The following MACROD2 variants were observed in gnomAD, a reference collection of about 807,000 sequenced individuals.
MACROD2 encodes ADP-ribose glycohydrolase MACROD2.
A neutral mutation model predicts 70.4 loss-of-function variants in MACROD2; 36 were observed. That is an observed-to-expected ratio of 0.51 (90% CI 0.39 to 0.68). The LOEUF is 0.68. Among genes scored for constraint, MACROD2 ranks in the 30% least tolerant of loss-of-function variants. The pLI is 0.00. For synonymous variants in MACROD2, 172 were observed against 178.8 expected (o/e 0.96, Z 0.30); for missense variants, 496 against 538.4 (o/e 0.92, Z 0.78).
chr20:14,507,560 A>G (rs1174423666), intron 4 of MACROD2, among the ~76,000 whole-genome samples: 1 of 152,222 alleles, frequency 6.6e-6, no homozygotes, highest in Non-Finnish European at 1.5e-5. Context: ...ATTTACCACA[A>G]TAAAAAATGT....
intron 6 of MACROD2, among the ~76,000 whole-genome samples, chr20:15,430,268 T>TA (rs1600400334): frequency 6.7e-6 from 1 of 148,210 alleles, no homozygotes; most frequent in Non-Finnish European, 1.5e-5. Context: ...TAGAGGTTTT[T>TA]AAAAAAATAA....
At chr20:14,923,924 T>C (rs2074196209) in intron 5 of MACROD2, among the ~76,000 whole-genome samples, 1 of 152,170 alleles carries the variant, frequency 6.6e-6, no homozygotes, top group South Asian at 2.1e-4. Context: ...AAAAAGATGA[T>C]GACTGGTGGT....
chr20:15,176,671 C>T (rs1409978056), intron 5 of MACROD2, among the ~76,000 whole-genome samples: 2 of 152,142 alleles, frequency 1.3e-5, no homozygotes, highest in African/African-American at 4.8e-5. Flanking sequence ...CCCCAATTGT[C>T]CATCTATCTC....
intron 5 of MACROD2, among the ~76,000 whole-genome samples, chr20:15,016,879 C>G (rs2075125761): frequency 6.6e-6 from 1 of 152,126 alleles, no homozygotes; most frequent in Non-Finnish European, 1.5e-5. Flanking sequence ...AAAAGACCAG[C>G]CCCCATGATT....
intron 3 of MACROD2, among the ~76,000 whole-genome samples, chr20:14,232,283 C>A (rs2081822077): frequency 6.6e-6 from 1 of 152,224 alleles, no homozygotes; most frequent in African/African-American, 2.4e-5. Context: ...ACTAAAGTTA[C>A]AAGCTGCTGT....
chr20:14,337,572 A>T (rs1273603947), intron 3 of MACROD2: 1 of 398,456 alleles, frequency 2.5e-6, no homozygotes. Flanking sequence ...TCACTCCTAC[A>T]CTGAGGAGTG....
intron 8 of MACROD2, among the ~76,000 whole-genome samples, chr20:15,821,163 C>T (rs192317716): frequency 2.6e-5 from 4 of 152,120 alleles, no homozygotes; most frequent in East Asian, 3.9e-4. Flanking sequence ...ATAGTTACTT[C>T]GTGTATATAT....
chr20:14,337,771 A>T (rs1354318179), intron 3 of MACROD2, among the ~76,000 whole-genome samples: 1 of 152,200 alleles, frequency 6.6e-6, no homozygotes, highest in African/African-American at 2.4e-5. Flanking sequence ...GGGCGAGAGC[A>T]GCCAAAATGA....
chr20:15,995,649 CTTTT>C (rs71192310), intron 15 of MACROD2, among the ~76,000 whole-genome samples: 9 of 85,496 alleles, frequency 1.1e-4, no homozygotes, highest in East Asian at 7.7e-4. Flanking sequence ...TATGCCCGGC[CTTTT>C]TTTTTTTTTT....
At chr20:15,818,150 AC>A (rs2063897591) in intron 8 of MACROD2, among the ~76,000 whole-genome samples, 1 of 152,114 alleles carries the variant, frequency 6.6e-6, no homozygotes. Flanking sequence ...GGGTTCTTGG[AC>A]CTTCCTCAAG....
intron 5 of MACROD2, among the ~76,000 whole-genome samples, chr20:14,832,696 GT>G (rs1378763522): frequency 6.6e-6 from 1 of 152,140 alleles, no homozygotes. Flanking sequence ...GTTAAACATT[GT>G]AAAAAATGTT....
chr20:14,519,902 G>A (rs405620), intron 4 of MACROD2, among the ~76,000 whole-genome samples: 124,826 of 152,070 alleles, frequency 0.82, 51,647 homozygotes, highest in East Asian at 1. Flanking sequence ...GAACGAGATC[G>A]TATCCTTTGC....
intron 5 of MACROD2, among the ~76,000 whole-genome samples, chr20:15,119,995 A>G (rs944676344): frequency 6.6e-6 from 1 of 152,212 alleles, no homozygotes; most frequent in Admixed American, 6.5e-5. Flanking sequence ...ATTTGCCAAC[A>G]GTTTTGCTTG....
At chr20:14,711,864 C>T (rs1395272804) in intron 5 of MACROD2, among the ~76,000 whole-genome samples, 5 of 152,170 alleles carry the variant, frequency 3.3e-5, no homozygotes, top group African/African-American at 1.2e-4. Context: ...GAGTTTGGCA[C>T]TTAGTCTGTT....
chr20:14,638,842 C>T (rs573217674), intron 4 of MACROD2, among the ~76,000 whole-genome samples: 4 of 150,996 alleles, frequency 2.6e-5, no homozygotes, highest in East Asian at 2.0e-4. Flanking sequence ...CCTAGCTACT[C>T]GGGAGGCTGA....
intron 7 of MACROD2, among the ~76,000 whole-genome samples, chr20:15,464,226 G>T (rs1175352495): frequency 6.6e-6 from 1 of 152,034 alleles, no homozygotes; most frequent in African/African-American, 2.4e-5. Flanking sequence ...GTGTTGCCCA[G>T]GCTAGTCTTG....
At chr20:14,213,081 C>A (rs1478484791) in intron 3 of MACROD2, among the ~76,000 whole-genome samples, 1 of 151,732 alleles carries the variant, frequency 6.6e-6, no homozygotes, top group East Asian at 1.9e-4. Flanking sequence ...TTGTTTGTAA[C>A]CACACATTTA....
intron 8 of MACROD2, among the ~76,000 whole-genome samples, chr20:15,698,488 G>C (rs750291534): frequency 6.6e-6 from 1 of 152,170 alleles, no homozygotes; most frequent in South Asian, 2.1e-4. Flanking sequence ...TGGTGCTGCT[G>C]TCTCACAGCT....
chr20:14,363,317 A>G (rs2122724572), intron 3 of MACROD2, among the ~76,000 whole-genome samples: 1 of 152,286 alleles, frequency 6.6e-6, no homozygotes, highest in East Asian at 1.9e-4. Context: ...CTGTGGAAAT[A>G]GAGGAGTAGA....
Sources: gnomAD v4.1 joint callset for allele counts (sites outside exome capture counted in the v4.1 genomes callset) on GRCh38, gnomAD v4.1.1 for gene constraint, MANE v1.5 for transcripts, NCBI Gene and HGNC (gene_info 2026-07-23, HGNC 2026-07-21) for gene names.